ERICH6B: variants seen among roughly 807,000 people sequenced by gnomAD.
ERICH6B encodes glutamate rich 6B.
ERICH6B carries 69 observed loss-of-function variants against 80.0 expected under a neutral mutation model. The observed-to-expected ratio is 0.86, with a 90% CI of 0.71 to 1.05. ERICH6B has a LOEUF of 1.05. Ranked by LOEUF, ERICH6B falls within the 50% of genes least tolerant of loss-of-function variation. ERICH6B has a pLI of 0.00. For synonymous variants in ERICH6B, 283 were observed against 291.9 expected (o/e 0.97, Z 0.31); for missense variants, 754 against 796.1 (o/e 0.95, Z 0.64).
chr13:45,581,475 C>G (rs1875665594), intron 5 of ERICH6B, among the ~76,000 whole-genome samples: 1 of 152,186 alleles, frequency 6.6e-6, no homozygotes, highest in African/African-American at 2.4e-5. Flanking sequence ...CTCCCAGGTT[C>G]AAGTCATTCT....
chr13:45,611,881 C>T (rs1039081242), intron 1 of ERICH6B, among the ~76,000 whole-genome samples: 1 of 152,254 alleles, frequency 6.6e-6, no homozygotes, highest in African/African-American at 2.4e-5. Context: ...ATGGCACACA[C>T]TTCTGCTGCT....
intron 8 of ERICH6B, among the ~76,000 whole-genome samples, chr13:45,573,779 A>G (rs1027179613): frequency 6.6e-6 from 1 of 152,214 alleles, no homozygotes; most frequent in African/African-American, 2.4e-5. Context: ...CTGATATAGC[A>G]AAACATCAAT....
chr13:45,592,592 CA>C (rs1876200002), intron 3 of ERICH6B, among the ~76,000 whole-genome samples: 1 of 152,146 alleles, frequency 6.6e-6, no homozygotes, highest in African/African-American at 2.4e-5. Flanking sequence ...CTATGTATAT[CA>C]AAAGATTAGG....
At chr13:45,560,619 C>G (rs1874631299) in intron 11 of ERICH6B, among the ~76,000 whole-genome samples, 1 of 152,158 alleles carries the variant, frequency 6.6e-6, no homozygotes, top group South Asian at 2.1e-4. Context: ...ACCTTTTTAT[C>G]CTTTCTTGCC....
At chr13:45,545,300 T>A (rs1593770357) in intron 13 of ERICH6B, among the ~76,000 whole-genome samples, 1 of 152,202 alleles carries the variant, frequency 6.6e-6, no homozygotes, top group Admixed American at 6.5e-5. Context: ...GCATGGCTGG[T>A]GTCTACTTAT....
At chr13:45,547,990 G>A (rs190755332) in intron 13 of ERICH6B, among the ~76,000 whole-genome samples, 3 of 152,142 alleles carry the variant, frequency 2.0e-5, no homozygotes, top group South Asian at 2.1e-4. Flanking sequence ...TCCTGCTCAG[G>A]GGGTGAAAAG....
At chr13:45,606,501 ATG>A (rs71994482) in intron 2 of ERICH6B, among the ~76,000 whole-genome samples, 31 of 47,278 alleles carry the variant, frequency 6.6e-4, no homozygotes, top group African/African-American at 2.5e-3. Flanking sequence ...CCAAAAGTGT[ATG>A]TGTATATATA....
intron 2 of ERICH6B, among the ~76,000 whole-genome samples, chr13:45,598,744 G>T (rs1949804706): frequency 6.6e-6 from 1 of 152,144 alleles, no homozygotes; most frequent in South Asian, 2.1e-4. Flanking sequence ...TTCAAAGAAG[G>T]ACTTGCCGCC....
At position 45,596,874 on chromosome 13, in the gene ERICH6B, C is replaced by T. The variant is rs991143879; in HGVS notation, c.132G>A (p.Gln44=). The change falls in exon 3 of 15, where the codon CAG becomes CAA. Residue 44 remains glutamine (Q), a synonymous_variant. Transcript: ENST00000298738. ...CCTCTGGAGAAAATGGAGATTCATC[C>T]TGTAGACTTTCCTCATCTAGTTCTA... ...TEVELDEESL[Q]DESPFSPEGE... The T allele has an allele frequency of 2.6e-5, 40 of 1,551,720 alleles. No homozygotes were observed. Among genetic ancestry groups the T allele is most frequent in the East Asian group, 1.7e-4 (7 of 40,940 alleles).
At chr13:45,603,175 C>T (rs1332448726) in intron 2 of ERICH6B, among the ~76,000 whole-genome samples, 1 of 152,202 alleles carries the variant, frequency 6.6e-6, no homozygotes, top group African/African-American at 2.4e-5. Context: ...GTCCCTTCCT[C>T]CATGTTTTTC....
intron 11 of ERICH6B, among the ~76,000 whole-genome samples, chr13:45,560,408 C>A (rs900965149): frequency 6.6e-6 from 1 of 152,056 alleles, no homozygotes; most frequent in South Asian, 2.1e-4. Context: ...ACCATCAACA[C>A]CCCCCCACCT....
chr13:45,591,115 T>A (rs1456937786), intron 3 of ERICH6B, among the ~76,000 whole-genome samples: 1 of 152,244 alleles, frequency 6.6e-6, no homozygotes, highest in Non-Finnish European at 1.5e-5. Context: ...TGATATGGCA[T>A]AAAGAATTTC....
intron 5 of ERICH6B, among the ~76,000 whole-genome samples, chr13:45,583,921 C>T (rs1875784506): frequency 6.6e-6 from 1 of 152,118 alleles, no homozygotes; most frequent in South Asian, 2.1e-4. Flanking sequence ...ACCATCTGAC[C>T]TCTCCTTACA....
At chr13:45,544,681 G>A (rs1873918364) in intron 14 of ERICH6B, 79 bp downstream of exon 14, 2 of 1,255,444 alleles carry the variant, frequency 1.6e-6, no homozygotes, top group Non-Finnish European at 2.2e-6. Flanking sequence ...CCTGTGGCAT[G>A]GGCCAGTCCA....
rs78233137 is a variant in ERICH6B at position 45,592,588 on chromosome 13, A to T, written c.638-1891T>A. Among the ~76,000 whole-genome samples, 1,050 of 152,368 alleles carry T rather than the reference A, an allele frequency of 6.9e-3. 10 individuals are homozygous for T. The highest frequency in any genetic ancestry group is 0.024 in the African/African-American group (993 of 41,592). Reference sequence around the variant, plus strand: ...GAAAATAAAATTCGATGCACTATGTATATCAAAAGATTAGGCAAAAACATG... The same window carrying T: ...GAAAATAAAATTCGATGCACTATGTTTATCAAAAGATTAGGCAAAAACATG... On this transcript the variant is annotated intron_variant, in intron 3 of 14. Coordinates refer to ENST00000298738, the MANE Select transcript of ERICH6B (RefSeq NM_182542.3).
intron 5 of ERICH6B, among the ~76,000 whole-genome samples, chr13:45,585,647 A>G (rs1030101551): frequency 8.5e-5 from 13 of 152,196 alleles, no homozygotes; most frequent in Non-Finnish European, 1.8e-4. Context: ...TCTTTGACTC[A>G]AGCCACCAAT....
At chr13:45,565,278 A>G (rs569276218) in intron 9 of ERICH6B, among the ~76,000 whole-genome samples, 1 of 152,168 alleles carries the variant, frequency 6.6e-6, no homozygotes, top group East Asian at 1.9e-4. Context: ...TGAACACCTG[A>G]ACTTGCCCAC....
chr13:45,596,679 A>G lies in ERICH6B; in HGVS notation c.327T>C (p.Tyr109=), dbSNP rs771840160. Residue 109 remains tyrosine (Y), a synonymous_variant, in exon 3 of 15, where the codon TAT becomes TAC. Coordinates refer to ENST00000298738, the MANE Select transcript of ERICH6B (RefSeq NM_182542.3). ...EKAGYLEEEE[Y]IEEEEYLGKE... ...TCCCCAGATACTCTTCCTCTTCAATATACTCTTCCTCCTCCAGATACCCTG... is the reference window on the plus strand; with the variant it reads ...TCCCCAGATACTCTTCCTCTTCAATGTACTCTTCCTCCTCCAGATACCCTG... The G allele has an allele frequency of 3.2e-6, 5 of 1,551,526 alleles. No individual in the cohort carries two copies. The East Asian group carries it at 9.8e-5, about 30-fold the overall frequency.
Position 45,574,890 on chromosome 13 carries a change from T to C in ERICH6B, c.1002A>G (p.Ile334Met), listed in dbSNP as rs1875324884. The C allele has an allele frequency of 3.2e-6, 5 of 1,551,650 alleles. No individual in the cohort carries two copies. The highest frequency in any genetic ancestry group is 4.4e-6 in the Non-Finnish European group (5 of 1,146,980). ...FASKENFWDG[I>M]TDESIDKLEV... is the part of the protein sequence containing the mutation. ...CCAGCTTGTCAATGGACTCATCTGT[T>C]ATACCATCCCAAAAGTTCTCTTTAG... The change falls in exon 8 of 15, where the codon ATA becomes ATG. Residue 334 changes from isoleucine (I) to methionine (M), a missense_variant. By Grantham distance (10) the Ile-to-Met change is conservative (BLOSUM62 1). Coordinates refer to ENST00000298738, the MANE Select transcript of ERICH6B (RefSeq NM_182542.3).
Sources: allele counts gnomAD v4.1 joint callset (sites outside exome capture counted in the v4.1 genomes callset), GRCh38; gene constraint gnomAD v4.1.1; transcripts MANE v1.5; gene names NCBI Gene and HGNC (gene_info 2026-07-23, HGNC 2026-07-21).